The following ENO4 variants were observed in gnomAD, a reference collection of about 807,000 sequenced individuals.
The protein encoded by ENO4 is 2-phospho-D-glycerate hydro-lyase.
In ENO4, 53 loss-of-function variants were observed where a neutral mutation model predicts 63.2. The ratio of observed to expected loss-of-function variants is 0.84; its 90% CI spans 0.67 to 1.05. ENO4 has a LOEUF of 1.05. ENO4 is among the 50% of genes least tolerant of loss of function. The probability of loss-of-function intolerance (pLI) is 0.00; values close to 1 mark genes in which losing one functional copy is unlikely to be tolerated. For synonymous variants in ENO4, 266 were observed against 283.8 expected, an observed-to-expected ratio of 0.94 and a Z score of 0.63; for missense variants, 719 against 772.0, an observed-to-expected ratio of 0.93 and a Z score of 0.81.
At position 116,856,650 on chromosome 10, in the gene ENO4, C is replaced by T; in HGVS notation, c.453C>T (p.Pro151=). ...CGCACGAGCTCCAGGGGATGGCACC[C>T]TCTGACCAGGCAGAGGTGGATCACC... is the stretch of plus-strand genomic sequence containing the variant. ...TITHELQGMA[P]SDQAEVDHLL... The change falls in exon 3 of 14, where the codon CCC becomes CCT. Residue 151 remains proline, a synonymous_variant. Coordinates refer to ENST00000341276, the MANE Select transcript of ENO4 (RefSeq NM_001242699.2). The T allele has an allele frequency of 2.0e-6, 3 of 1,534,642 alleles. No homozygotes were observed. Among genetic ancestry groups the T allele is most frequent in the Middle Eastern group, 3.4e-4 (2 of 5,968 alleles).
intron 11 of ENO4, among the ~76,000 whole-genome samples, chr10:116,877,331 G>A (rs1412893697): frequency 6.6e-6 from 1 of 152,138 alleles, no homozygotes. Context: ...ACATAGTAAG[G>A]ATGTAGGAAT....
chr10:116,886,257 A>G, downstream of ENO4: 1 of 1,522,984 alleles, frequency 6.6e-7, no homozygotes, highest in Non-Finnish European at 8.9e-7. Flanking sequence ...CCAGAGCAGA[A>G]TGTCTACAGC....
chr10:116,881,565 G>T lies in ENO4; in HGVS notation c.1774G>T (p.Ala592Ser). The change falls in exon 14 of 14, where the codon GCT (alanine) becomes TCT (serine). Residue 592 changes from alanine (A) to serine (S), a missense_variant. Transcript: ENST00000341276. Reference sequence around the variant, plus strand: ...TTACTTTAATGAGGAAGCTGAAAAGGCTGCGGAGGCACTTGAGGCTGCTGC... The same window carrying T: ...TTACTTTAATGAGGAAGCTGAAAAGTCTGCGGAGGCACTTGAGGCTGCTGC... ...FFYFNEEAEK[A>S]AEALEAAAAR... The T allele has an allele frequency of 6.5e-7, 1 of 1,550,162 alleles. No homozygotes were observed. Among genetic ancestry groups the T allele is most frequent in the Non-Finnish European group, 8.7e-7 (1 of 1,146,832 alleles).
At chr10:116,884,649 C>G (rs1360331844), downstream of ENO4, 1 of 164,140 alleles carries the variant, frequency 6.1e-6, no homozygotes, top group Admixed American at 5.7e-5. Flanking sequence ...GAAGACAGCA[C>G]AAAGAAACAT....
chr10:116,865,860 G>C (rs145177820), intron 7 of ENO4, among the ~76,000 whole-genome samples: 35 of 152,322 alleles, frequency 2.3e-4, no homozygotes, highest in Non-Finnish European at 4.1e-4. Flanking sequence ...TGTTTCATAA[G>C]GGGCTCCCTC....
At chr10:116,861,221 T>TAAAA (rs56177931) in intron 6 of ENO4, 31 bp downstream of exon 6, 2 of 295,844 alleles carry the variant, frequency 6.8e-6, no homozygotes, top group Admixed American at 6.4e-5. Flanking sequence ...TTACCTTTTC[T>TAAAA]AAAAAAAAAA....
At chr10:116,862,688 A>T (rs1269866046) in intron 6 of ENO4, 111 bp from the exon 7 acceptor site, 2 of 714,126 alleles carry the variant, frequency 2.8e-6, no homozygotes, top group Non-Finnish European at 4.9e-6. Context: ...ATCATCTGCT[A>T]ATCAGGGACT....
downstream of ENO4, chr10:116,883,790 T>G (rs559117392): frequency 6.1e-6 from 1 of 164,740 alleles, no homozygotes; most frequent in African/African-American, 2.4e-5. Context: ...AATAGCCCTG[T>G]TGATGCCTGC....
At position 116,879,317 on chromosome 10, in the gene ENO4, A is replaced by C. The variant is rs1362186294; in HGVS notation, c.1564A>C (p.Ser522Arg). 1 of 1,550,798 alleles carries C rather than the reference A, an allele frequency of 6.4e-7. No individual in the cohort carries two copies. Among genetic ancestry groups the C allele is most frequent in the Non-Finnish European group, 8.7e-7 (1 of 1,146,936 alleles). The change falls in exon 12 of 14, where the codon AGT becomes CGT. Residue 522 changes from serine (S) to arginine (R), a missense_variant. Ser to Arg is a moderately radical substitution (Grantham distance 110, BLOSUM62 -1). Coordinates refer to ENST00000341276, the MANE Select transcript of ENO4 (RefSeq NM_001242699.2). ...DSKKHITVFG[S>R]TEGESSDDSL... ...TAAGAAGCACATCACTGTCTTTGGA[A>C]GTACAGAAGGAGAATCATCTGATGA...
intron 2 of ENO4, 116 bp from the exon 3 acceptor site, chr10:116,856,376 C>T (rs1423926967): frequency 3.8e-6 from 3 of 784,204 alleles, no homozygotes; most frequent in Admixed American, 2.8e-5. Context: ...TATATATTCT[C>T]ATTGTCCCCT....
intron 1 of ENO4, 101 bp downstream of exon 1, chr10:116,849,832 A>C (rs1013510629): frequency 3.8e-6 from 5 of 1,331,936 alleles, no homozygotes; most frequent in Admixed American, 5.0e-5. Context: ...AGAATCTCGC[A>C]TGCCAGCCGC....
chr10:116,891,749 T>C (rs1847348996), intron 10 of ENO4, among the ~76,000 whole-genome samples: 1 of 152,036 alleles, frequency 6.6e-6, no homozygotes, highest in Non-Finnish European at 1.5e-5. Context: ...CACAAATTTT[T>C]AATACACTTG....
chr10:116,893,539 G>A (rs1394570732), intron 10 of ENO4, among the ~76,000 whole-genome samples: 1 of 113,286 alleles, frequency 8.8e-6, no homozygotes, highest in African/African-American at 3.3e-5. Flanking sequence ...GTACAGGGAA[G>A]GCGCCTTCCC....
Position 116,872,596 on chromosome 10 carries a change from A to T in ENO4, c.1215+1304A>T, listed in dbSNP as rs138535745. Among the ~76,000 whole-genome samples, 21 of 152,274 alleles carry T rather than the reference A, an allele frequency of 1.4e-4. No homozygotes were observed. The East Asian group carries it at 3.9e-3, about 28-fold the overall frequency. On this transcript the variant is annotated intron_variant, in intron 9 of 13. Coordinates refer to ENST00000341276, the MANE Select transcript of ENO4 (RefSeq NM_001242699.2). Reference sequence around the variant, plus strand: ...GGCCTCCTCAGCCATGTGGAACTGTAAGTCAATTAAACCTCTTTCCTTTAC... The same window carrying T: ...GGCCTCCTCAGCCATGTGGAACTGTTAGTCAATTAAACCTCTTTCCTTTAC...
chr10:116,908,055 A>G, intron 10 of ENO4: 2 of 431,496 alleles, frequency 4.6e-6, no homozygotes, highest in South Asian at 3.3e-5. Context: ...CTCATAATTA[A>G]CCTCTATTAA....
intron 3 of ENO4, among the ~76,000 whole-genome samples, chr10:116,857,642 C>CTTT (rs67355556): frequency 2.1e-5 from 3 of 144,908 alleles, no homozygotes; most frequent in Admixed American, 6.9e-5. Context: ...GTAACAGAAA[C>CTTT]TTTTTTTTTT....
intron 10 of ENO4, among the ~76,000 whole-genome samples, chr10:116,889,609 G>A (rs975665878): frequency 6.6e-6 from 1 of 152,118 alleles, no homozygotes; most frequent in Non-Finnish European, 1.5e-5. Flanking sequence ...GAACTGGCCC[G>A]AAACCACACA....
At position 116,853,511 on chromosome 10, in the gene ENO4, A is replaced by G. The variant is rs79428198; in HGVS notation, c.166-2112A>G. ...TACGAGATTTAATTTATAGAATCCT[A>G]TATATGTCAGGCCCTGTGGTTTGAG... On this transcript the variant is annotated intron_variant, in intron 1 of 13. Coordinates refer to ENST00000341276, the MANE Select transcript of ENO4 (RefSeq NM_001242699.2). Among the ~76,000 whole-genome samples, 634 of 152,284 alleles carry G rather than the reference A, an allele frequency of 4.2e-3. 2 individuals carry two copies. The highest frequency in any genetic ancestry group is 5.0e-3 in the Non-Finnish European group (337 of 68,026).
rs146345656 is a variant in ENO4 at position 116,888,101 on chromosome 10, A to T, written c.1194+8115A>T. On this transcript the variant is annotated intron_variant, in intron 10 of 10. Coordinates refer to the ENO4 transcript ENST00000369207. Reference sequence around the variant, plus strand: ...GTCATCATCCTAAGTGACAAACACTATGTCTTCCTTGGAGGTGGTAAAAAC... The same window carrying T: ...GTCATCATCCTAAGTGACAAACACTTTGTCTTCCTTGGAGGTGGTAAAAAC... Among the ~76,000 whole-genome samples the T allele has an allele frequency of 3.7e-3, 567 of 152,306 alleles. 4 individuals are homozygous for T. Among genetic ancestry groups the T allele is most frequent in the African/African-American group, 0.013 (537 of 41,578 alleles).
Sources: allele counts gnomAD v4.1 joint callset (sites outside exome capture counted in the v4.1 genomes callset), GRCh38; gene constraint gnomAD v4.1.1; transcripts MANE v1.5; gene names NCBI Gene and HGNC (gene_info 2026-07-23, HGNC 2026-07-21).